The following SLC16A5 variants were observed in gnomAD, a reference collection of about 807,000 sequenced individuals.
SLC16A5 encodes solute carrier family 16 member 5.
A neutral mutation model predicts 33.2 loss-of-function variants in SLC16A5; 29 were observed. The observed-to-expected ratio is 0.87, with a 90% CI of 0.65 to 1.19. The LOEUF is 1.19. Among genes scored for constraint, SLC16A5 ranks in the 50% most tolerant of loss-of-function variants. The pLI is 0.00. For synonymous variants in SLC16A5, 248 were observed against 284.1 expected, an observed-to-expected ratio of 0.87 and a Z score of 1.28; for missense variants, 606 against 678.2, an observed-to-expected ratio of 0.89 and a Z score of 1.18.
At chr17:75,098,944 G>A (rs557698160) in intron 4 of SLC16A5, among the ~76,000 whole-genome samples, 4 of 152,190 alleles carry the variant, frequency 2.6e-5, no homozygotes, top group Admixed American at 2.0e-4. Flanking sequence ...GGAAGACACC[G>A]GTAGTCACCT....
At chr17:75,099,820 G>C in intron 4 of SLC16A5, 187 bp from the exon 5 acceptor site, 1 of 607,270 alleles carries the variant, frequency 1.6e-6, no homozygotes, top group East Asian at 2.8e-5. Flanking sequence ...GGGCAGATCT[G>C]GGGTGGGGTG....
At chr17:75,099,646 C>A (rs920572075) in intron 4 of SLC16A5, among the ~76,000 whole-genome samples, 1 of 152,202 alleles carries the variant, frequency 6.6e-6, no homozygotes, top group Non-Finnish European at 1.5e-5. Flanking sequence ...TGGGGTTTCA[C>A]CATGTTGGTC....
chr17:75,104,309 G>A, intron 6 of SLC16A5, 129 bp downstream of exon 6: 2 of 1,486,276 alleles, frequency 1.3e-6, no homozygotes, highest in African/African-American at 1.4e-5. Context: ...CAGGGGCTTG[G>A]GTGAAGAGTA....
chr17:75,100,341 C>T lies in SLC16A5; in HGVS notation c.678C>T (p.His226=). 1.9e-6 allele frequency: 3 copies of T among 1,614,216 alleles called. No individual in the cohort carries two copies. Among genetic ancestry groups the T allele is most frequent in the Non-Finnish European group, 2.5e-6 (3 of 1,180,040 alleles). The change falls in exon 5 of 7, where the codon CAC becomes CAT. Residue 226 remains histidine, a synonymous_variant. Coordinates refer to ENST00000329783, the MANE Select transcript of SLC16A5 (RefSeq NM_004695.4). Reference sequence around the variant, plus strand: ...CATGCGGCCGGACCATCCAGCGCCACCTGGCCTTCGACATCCTGCGGCACA... The same window carrying T: ...CATGCGGCCGGACCATCCAGCGCCATCTGGCCTTCGACATCCTGCGGCACA... ...LAACGRTIQR[H]LAFDILRHNT...
At chr17:75,106,382 TA>T (rs1209882914), downstream of SLC16A5, among the ~76,000 whole-genome samples, 1 of 152,038 alleles carries the variant, frequency 6.6e-6, no homozygotes, top group Admixed American at 6.6e-5. Flanking sequence ...GGCTGGTAGA[TA>T]GGTGCTTTTG....
At chr17:75,094,021 GGA>G (rs2073682287) in intron 3 of SLC16A5, among the ~76,000 whole-genome samples, 186 bp downstream of exon 3, 1 of 152,208 alleles carries the variant, frequency 6.6e-6, no homozygotes, top group African/African-American at 2.4e-5. Context: ...CTGGAGCCGG[GGA>G]GAGAGTGGGG....
In SLC16A5 at chr17:75,100,512, CAA is replaced by C. The variant is rs2073780125; in HGVS notation, c.850_851del (p.Asn284HisfsTer18). 2 of 1,614,112 alleles carry C rather than the reference CAA, an allele frequency of 1.2e-6. No individual in the cohort carries two copies. Among genetic ancestry groups the C allele is most frequent in the Non-Finnish European group, 1.7e-6 (2 of 1,180,050 alleles). On this transcript the variant is annotated frameshift_variant, in exon 5 of 7. Transcript: ENST00000329783. LOFTEE classifies it high-confidence loss of function. ...ALLISIIGFS[N>X]IFLRPLAGLM... ...TCCTCATCTCCATCATCGGCTTCAG[CAA>C]CATCTTCCTGAGGCCCCTAGCCGGG... is the stretch of plus-strand genomic sequence containing the variant.
chr17:75,106,203 A>C, downstream of SLC16A5: 1 of 455,056 alleles, frequency 2.2e-6, no homozygotes, highest in Non-Finnish European at 3.9e-6. Context: ...CTTCCGGTTG[A>C]AAAGTCTGAC....
intron 3 of SLC16A5, 75 bp downstream of exon 3, chr17:75,093,910 A>AT: frequency 1.9e-6 from 3 of 1,543,748 alleles, no homozygotes; most frequent in East Asian, 4.5e-5. Context: ...TGGCCTTCTG[A>AT]TTCCCTCTCT....
chr17:75,088,766 G>T (rs151285946), intron 1 of SLC16A5, among the ~76,000 whole-genome samples: 1 of 152,152 alleles, frequency 6.6e-6, no homozygotes, highest in African/African-American at 2.4e-5. Context: ...TGGACACCAG[G>T]CCCCTAACAC....
intron 2 of SLC16A5, among the ~76,000 whole-genome samples, chr17:75,092,028 G>GTGTATGTGTGTGT (rs1555644931): frequency 6.7e-6 from 1 of 149,606 alleles, no homozygotes; most frequent in Non-Finnish European, 1.5e-5. Flanking sequence ...ATGTGAGGGG[G>GTGTATGTGTGTGT]GTGTGTGTGT....
Position 75,100,010 on chromosome 17 carries a change from T to A in SLC16A5, c.347T>A (p.Leu116Gln). ...LYFTAGFITG[L>Q]GMCFSFQSSI... ...GGTTTCCCCTCTTGCCCCGCAGGCC[T>A]GGGCATGTGCTTCAGCTTCCAGTCA... is the stretch of plus-strand genomic sequence containing the variant. The change falls in exon 5 of 7, where the codon CTG becomes CAG. Residue 116 changes from leucine (L) to glutamine (Q), a missense_variant. Transcript: ENST00000329783. 2 of 1,609,240 alleles carry A rather than the reference T, an allele frequency of 1.2e-6. No homozygotes were observed. Among genetic ancestry groups the A allele is most frequent in the Non-Finnish European group, 1.7e-6 (2 of 1,178,922 alleles).
At chr17:75,102,141 C>G (rs2073808153) in intron 5 of SLC16A5, among the ~76,000 whole-genome samples, 1 of 152,242 alleles carries the variant, frequency 6.6e-6, no homozygotes, top group South Asian at 2.1e-4. Context: ...GACGAGAGCA[C>G]CTGCCCTAAT....
intron 2 of SLC16A5, among the ~76,000 whole-genome samples, chr17:75,091,158 G>A (rs937802563): frequency 6.6e-6 from 1 of 152,160 alleles, no homozygotes; most frequent in African/African-American, 2.4e-5. Context: ...CAGGAAGGCT[G>A]TGGCCTTTCC....
At chr17:75,100,971 C>T (rs11077775) in intron 5 of SLC16A5, among the ~76,000 whole-genome samples, 155 bp downstream of exon 5, 1 of 151,882 alleles carries the variant, frequency 6.6e-6, no homozygotes. Context: ...GGGTTTGGCC[C>T]GGCGCGGTGG....
At chr17:75,104,835 A>G (rs1173733467) in intron 6 of SLC16A5, 5 of 985,322 alleles carry the variant, frequency 5.1e-6, no homozygotes, top group African/African-American at 3.5e-5. Context: ...CTCGGGGCCC[A>G]GGAACCTGGG....
At chr17:75,091,192 A>T (rs917826016) in intron 2 of SLC16A5, among the ~76,000 whole-genome samples, 1 of 152,010 alleles carries the variant, frequency 6.6e-6, no homozygotes, top group Non-Finnish European at 1.5e-5. Flanking sequence ...GAGAGTATCA[A>T]GTGGGAGAGC....
Position 75,100,594 on chromosome 17 carries a change from G to C in SLC16A5, c.931G>C (p.Ala311Pro). 6.2e-7 allele frequency: 1 copy of C among 1,614,230 alleles called. No individual in the cohort carries two copies. Among genetic ancestry groups the C allele is most frequent in the Non-Finnish European group, 8.5e-7 (1 of 1,180,040 alleles). Reference sequence around the variant, plus strand: ...CCACCGCAAGTACCTGTTCAGCCTGGCACTCCTGCTCAATGGGCTCACTAA... The same window carrying C: ...CCACCGCAAGTACCTGTTCAGCCTGCCACTCCTGCTCAATGGGCTCACTAA... ...ASHRKYLFSL[A>P]LLLNGLTNLV... Residue 311 changes from alanine to proline, a missense_variant, in exon 5 of 7, where the codon GCA becomes CCA. Coordinates refer to ENST00000329783, the MANE Select transcript of SLC16A5 (RefSeq NM_004695.4).
In SLC16A5 at chr17:75,100,759, C is replaced by G. The variant is rs778013551; in HGVS notation, c.1096C>G (p.Leu366Val). Reference sequence around the variant, plus strand: ...CCCCATGGATCAGTTCCCCAGAGCCCTGGGACTCTTCACTGTCCTGGACGG... The same window carrying G: ...CCCCATGGATCAGTTCCCCAGAGCCGTGGGACTCTTCACTGTCCTGGACGG... Reference protein sequence around the residue: ...IVPMDQFPRALGLFTVLDGLA... With the variant: ...IVPMDQFPRAVGLFTVLDGLA... Residue 366 changes from leucine to valine, a missense_variant, in exon 5 of 7, where the codon CTG (leucine) becomes GTG (valine). Physicochemically the swap from Leu to Val is conservative, Grantham distance 32. Coordinates refer to ENST00000329783, the MANE Select transcript of SLC16A5 (RefSeq NM_004695.4). 4 of 1,613,770 alleles carry G rather than the reference C, an allele frequency of 2.5e-6. No homozygotes were observed. The African/African-American group carries it at 5.3e-5, about 22-fold the overall frequency.
Sources: allele counts gnomAD v4.1 joint callset (sites outside exome capture counted in the v4.1 genomes callset), GRCh38; gene constraint gnomAD v4.1.1; transcripts MANE v1.5; gene names NCBI Gene and HGNC (gene_info 2026-07-23, HGNC 2026-07-21).